The following HARS1 variants were observed in gnomAD, a reference collection of about 807,000 sequenced individuals.
HARS1 encodes histidine--tRNA ligase, cytoplasmic.
HARS1 carries 45 observed loss-of-function variants against 63.6 expected under a neutral mutation model. The ratio of observed to expected loss-of-function variants is 0.71; its 90% CI spans 0.56 to 0.91. HARS1 has a LOEUF of 0.91. Among genes scored for constraint, HARS1 ranks in the 40% least tolerant of loss-of-function variants. HARS1 has a pLI of 0.00. For synonymous variants in HARS1, 205 were observed against 247.1 expected (o/e 0.83, Z 1.60); for missense variants, 508 against 643.2 (o/e 0.79, Z 2.27).
chr5:140,677,295 G>C (rs759022991), intron 8 of HARS1, 32 bp downstream of exon 8: 1 of 1,532,532 alleles, frequency 6.5e-7, no homozygotes, highest in Non-Finnish European at 9.0e-7. Flanking sequence ...GCAGTGGGAC[G>C]GCTGCTGGGG....
At chr5:140,680,509 A>G (rs1291831585) in intron 3 of HARS1, among the ~76,000 whole-genome samples, 5 of 152,106 alleles carry the variant, frequency 3.3e-5, no homozygotes, top group Non-Finnish European at 7.4e-5. Context: ...TTCCTCCCTC[A>G]TGTTATACTG....
intron 2 of HARS1, among the ~76,000 whole-genome samples, chr5:140,688,638 T>G (rs1237572438): frequency 6.6e-6 from 1 of 152,214 alleles, no homozygotes; most frequent in Non-Finnish European, 1.5e-5. Flanking sequence ...ATGAAGTCTA[T>G]GCGTTGTAAT....
intron 2 of HARS1, chr5:140,684,728 T>C (rs1308582123): frequency 2.6e-5 from 4 of 152,250 alleles, no homozygotes; most frequent in African/African-American, 7.2e-5. Context: ...AAGTGGATTA[T>C]ACCTATCAAT....
At chr5:140,691,154 C>G in intron 1 of HARS1, 61 bp downstream of exon 1, 1 of 1,296,602 alleles carries the variant, frequency 7.7e-7, no homozygotes, top group Non-Finnish European at 1.1e-6. Context: ...GTCCCGAACA[C>G]CCTGGCTTTA....
rs780647640 is a variant in HARS1, at chr5:140,691,308, G to A, written c.-4C>T. 12 of 1,601,690 alleles carry A rather than the reference G, an allele frequency of 7.5e-6. No homozygotes were observed. The South Asian group carries it at 8.8e-5, about 12-fold the overall frequency. On this transcript the variant is annotated 5_prime_UTR_variant, in exon 1 of 13. Coordinates refer to ENST00000504156, the MANE Select transcript of HARS1 (RefSeq NM_002109.6). ...CCAGCGCCGCACGCTCTGCCATCCC[G>A]GCTGTCCACTTGAGCCGCCTGCTGT...
rs753788498 is a variant in HARS1 at position 140,683,197 on chromosome 5, C to T, written c.203G>A (p.Arg68Gln). 4.1e-5 allele frequency: 66 copies of T among 1,613,816 alleles called. No individual in the cohort carries two copies. The highest frequency in any genetic ancestry group is 3.6e-4 in the East Asian group (16 of 44,900). Residue 68 changes from arginine (R) to glutamine (Q), a missense_variant, in exon 3 of 13, where the codon CGG becomes CAG. Around this residue, in one of 2 missense-constraint regions of HARS1, gnomAD observed 105 missense variants for 94.5 expected, o/e 1.11. Coordinates refer to ENST00000504156, the MANE Select transcript of HARS1 (RefSeq NM_002109.6). ...TPKGTRDYSP[R>Q]QMAVREKVFD... is the part of the protein sequence containing the mutation. Reference sequence around the variant, plus strand: ...CACCTTCTCGCGAACTGCCATCTGCCGGGGACTATAGTCTCTTGTGCCCTT... The same window carrying T: ...CACCTTCTCGCGAACTGCCATCTGCTGGGGACTATAGTCTCTTGTGCCCTT...
chr5:140,689,673 A>G (rs974907286), intron 2 of HARS1, among the ~76,000 whole-genome samples: 1 of 152,158 alleles, frequency 6.6e-6, no homozygotes, highest in African/African-American at 2.4e-5. Flanking sequence ...TGAATGTGGG[A>G]CCTTGGGATA....
intron 2 of HARS1, among the ~76,000 whole-genome samples, chr5:140,688,755 T>TA (rs1277649281): frequency 2.0e-5 from 3 of 151,774 alleles, no homozygotes; most frequent in Non-Finnish European, 2.9e-5. Context: ...CCATTTGTCC[T>TA]AAAAAAAAAT....
At chr5:140,677,589 T>C in intron 7 of HARS1, 66 bp downstream of exon 7, 1 of 1,209,258 alleles carries the variant, frequency 8.3e-7, no homozygotes, top group Non-Finnish European at 1.2e-6. Flanking sequence ...TCTCTCTCAA[T>C]CTTGTTTTCC....
At chr5:140,675,288 T>A (rs750699970) in intron 10 of HARS1, 155 bp from the exon 11 acceptor site, 81 of 626,590 alleles carry the variant, frequency 1.3e-4, no homozygotes, top group Non-Finnish European at 2.0e-4. Context: ...AAGGTAGCTT[T>A]TAGTAGATAT....
In HARS1 at chr5:140,676,826, A is replaced by T. The variant is rs1434475518; in HGVS notation, c.1022T>A (p.Leu341Gln). ...TTCCCCTGCCTGGGCTGGGGTCTGT[A>T]GCAGCACTGCCTCATAGATCACCCC... ...YTGVIYEAVL[L>Q]QTPAQAGEEP... The change falls in exon 10 of 13, where the codon CTA (leucine) becomes CAA (glutamine). Residue 341 changes from leucine to glutamine, a missense_variant. Leu to Gln is a moderately radical substitution (Grantham distance 113). Transcript: ENST00000504156. This position sits in a 1 kb window ranked among gnomAD's most constrained non-coding sequence, Gnocchi z 4.1. 6.2e-7 allele frequency: 1 copy of T among 1,614,270 alleles called. No individual in the cohort carries two copies. Among genetic ancestry groups the T allele is most frequent in the East Asian group, 2.2e-5 (1 of 44,888 alleles).
intron 2 of HARS1, chr5:140,684,401 T>C: frequency 1.0e-6 from 1 of 983,348 alleles, no homozygotes; most frequent in Non-Finnish European, 1.2e-6. Context: ...CTCAACTAAT[T>C]GAATTCCAAA....
At chr5:140,690,726 A>G in intron 2 of HARS1, 129 bp downstream of exon 2, 1 of 682,834 alleles carries the variant, frequency 1.5e-6, no homozygotes, top group East Asian at 2.6e-5. Context: ...CCCAGCGCCC[A>G]GAGCGACTGT....
At chr5:140,690,785 A>C (rs1759364952) in intron 2 of HARS1, 70 bp downstream of exon 2, 1 of 866,322 alleles carries the variant, frequency 1.2e-6, no homozygotes, top group Non-Finnish European at 2.0e-6. Flanking sequence ...TGGTTTAGGG[A>C]GGCAGACATA....
intron 6 of HARS1, 35 bp downstream of exon 6, chr5:140,677,873 C>A (rs1344127471): frequency 6.8e-7 from 1 of 1,466,794 alleles, no homozygotes; most frequent in African/African-American, 1.4e-5. Flanking sequence ...AGAGGCCAGG[C>A]CCAACTTTGC....
At chr5:140,674,567 A>C in intron 12 of HARS1, 112 bp downstream of exon 12, 1 of 1,212,984 alleles carries the variant, frequency 8.2e-7, no homozygotes, top group Non-Finnish European at 1.2e-6. Context: ...CAAGGCTTTT[A>C]TGAGTTGTAC....
intron 2 of HARS1, chr5:140,685,230 A>G (rs1758956106): frequency 6.6e-6 from 1 of 151,886 alleles, no homozygotes. Context: ...TCTAGTACCT[A>G]GAATAGTCAA....
In HARS1 at chr5:140,674,246, G is replaced by A; in HGVS notation, c.*11C>T. On this transcript the variant is annotated 3_prime_UTR_variant, in exon 13 of 13. Transcript: ENST00000504156. The stretch of plus-strand genomic sequence containing the variant: ...CAGTCCCACTTCCTTTCCTCTGATA[G>A]TTTGTTCAGTTCAGCAGATGCAGAG... 3 of 1,560,310 alleles carry A rather than the reference G, an allele frequency of 1.9e-6. No homozygotes were observed. Among genetic ancestry groups the A allele is most frequent in the Non-Finnish European group, 2.7e-6 (3 of 1,130,864 alleles).
rs1054766188 is a variant in HARS1 at position 140,682,930 on chromosome 5, C to G, written c.300+170G>C. The G allele has an allele frequency of 8.8e-6, 5 of 570,978 alleles. No individual in the cohort carries two copies. In the African/African-American group the frequency reaches 9.3e-5, roughly 11 times the overall value. The allele number at this position is 570,978 out of a possible 1,614,324, so 35.4% of individuals were successfully genotyped here. A position where few individuals can be genotyped will look rare whatever the true frequency, so the allele number is the denominator to read the frequency against. On this transcript the variant is annotated intron_variant, in intron 3 of 12. Coordinates refer to ENST00000504156, the MANE Select transcript of HARS1 (RefSeq NM_002109.6). ...TGGCCACAACCAAGATAATAAAAGA[C>G]AGGGCCTCTCCCTCCAAGCCATTCT... is the stretch of plus-strand genomic sequence containing the variant.
Sources: gnomAD v4.1 joint callset for allele counts (sites outside exome capture counted in the v4.1 genomes callset) on GRCh38, gnomAD v4.1.1 for gene constraint, gnomAD v4.1.1 regional missense constraint, Gnocchi (gnomAD v3.1) non-coding constraint, MANE v1.5 for transcripts, NCBI Gene and HGNC (gene_info 2026-07-23, HGNC 2026-07-21) for gene names.